HTR1F: variants seen among roughly 807,000 people sequenced by gnomAD.
The protein encoded by HTR1F is 5-hydroxytryptamine receptor 1F.
HTR1F carries 17 observed loss-of-function variants against 24.0 expected under a neutral mutation model. The ratio of observed to expected loss-of-function variants is 0.71; its 90% CI spans 0.48 to 1.06. HTR1F has a LOEUF of 1.06. HTR1F is among the 50% of genes least tolerant of loss of function. The probability of loss-of-function intolerance (pLI) is 0.00; values close to 1 mark genes in which losing one functional copy is unlikely to be tolerated. For missense variants in HTR1F, 391 were observed against 427.8 expected (o/e 0.91, Z 0.76); for synonymous variants, 186 against 156.8 (o/e 1.19, Z -1.39).
chr3:87,971,851 A>G (rs1705292458), intron 2 of HTR1F, among the ~76,000 whole-genome samples: 1 of 152,180 alleles, frequency 6.6e-6, no homozygotes, highest in South Asian at 2.1e-4. Flanking sequence ...TGCTTTGTTC[A>G]TTTTATGTAT....
At chr3:87,872,547 CTAAG>C (rs1323058908) in intron 2 of HTR1F, among the ~76,000 whole-genome samples, 1 of 151,504 alleles carries the variant, frequency 6.6e-6, no homozygotes, top group Non-Finnish European at 1.5e-5. Flanking sequence ...CTAAAAGAGA[CTAAG>C]TAACAAAAAC....
At chr3:87,963,177 A>G (rs952560244) in intron 2 of HTR1F, among the ~76,000 whole-genome samples, 2 of 152,068 alleles carry the variant, frequency 1.3e-5, no homozygotes, top group Non-Finnish European at 1.5e-5. Context: ...CAGTTATTGG[A>G]CTTCTTCTTT....
At chr3:87,973,621 A>C (rs1705333489) in intron 2 of HTR1F, among the ~76,000 whole-genome samples, 1 of 152,152 alleles carries the variant, frequency 6.6e-6, no homozygotes. Context: ...ATGTGGATGG[A>C]AGGGATTTCA....
intron 2 of HTR1F, among the ~76,000 whole-genome samples, chr3:87,955,133 T>A (rs1370991276): frequency 1.3e-5 from 2 of 151,450 alleles, no homozygotes; most frequent in East Asian, 3.9e-4. Flanking sequence ...GTTGTGTATA[T>A]CCTGAAGCCA....
intron 2 of HTR1F, among the ~76,000 whole-genome samples, chr3:87,928,513 C>T (rs1237282468): frequency 1.3e-5 from 2 of 151,426 alleles, no homozygotes; most frequent in Non-Finnish European, 2.9e-5. Flanking sequence ...TTTCTGTGTC[C>T]CTAAAAATGA....
Position 87,944,772 on chromosome 3 carries a change from T to C in HTR1F, c.-42-45936T>C, listed in dbSNP as rs560969534. Among the ~76,000 whole-genome samples the C allele has an allele frequency of 2.6e-5, 4 of 152,340 alleles. No individual in the cohort carries two copies. The East Asian group carries it at 7.7e-4, about 29-fold the overall frequency. On this transcript the variant is annotated intron_variant, in intron 2 of 2. Transcript: ENST00000319595. ...TTCCTCTAAAAGTTACTTCTCTACTTTCTTCTGTTAGCAAAGCAGTTGCCA... is the reference window on the plus strand; with the variant it reads ...TTCCTCTAAAAGTTACTTCTCTACTCTCTTCTGTTAGCAAAGCAGTTGCCA...
intron 2 of HTR1F, among the ~76,000 whole-genome samples, chr3:87,909,213 A>T (rs1360935159): frequency 1.3e-5 from 2 of 152,016 alleles, no homozygotes; most frequent in Non-Finnish European, 2.9e-5. Flanking sequence ...GAGTGGCTAT[A>T]TGGAAAAGAA....
chr3:87,893,596 G>A (rs760590534), intron 2 of HTR1F, among the ~76,000 whole-genome samples: 4 of 152,166 alleles, frequency 2.6e-5, no homozygotes, highest in African/African-American at 7.2e-5. Flanking sequence ...GCCTGACCAC[G>A]AAGAAGAAGT....
intron 2 of HTR1F, among the ~76,000 whole-genome samples, chr3:87,979,489 G>T (rs1246601351): frequency 6.6e-6 from 1 of 152,096 alleles, no homozygotes; most frequent in East Asian, 1.9e-4. Flanking sequence ...GGAGTTTAGG[G>T]ACTCTGAAAA....
chr3:87,824,312 G>T (rs1704419111), intron 2 of HTR1F, among the ~76,000 whole-genome samples: 1 of 152,082 alleles, frequency 6.6e-6, no homozygotes, highest in African/African-American at 2.4e-5. Flanking sequence ...CAACCCATCA[G>T]CAAGTCCTAT....
At chr3:87,904,250 G>A (rs1703605964) in intron 2 of HTR1F, among the ~76,000 whole-genome samples, 5 of 152,060 alleles carry the variant, frequency 3.3e-5, no homozygotes, top group Admixed American at 1.3e-4. Context: ...ACAAGGAAGT[G>A]GAAATCTTAC....
At chr3:87,847,061 G>A (rs1433377778) in intron 2 of HTR1F, among the ~76,000 whole-genome samples, 1 of 151,156 alleles carries the variant, frequency 6.6e-6, no homozygotes, top group East Asian at 1.9e-4. Flanking sequence ...ATACAAAATG[G>A]GGAAAATAAA....
chr3:87,865,968 G>A (rs1035124120), intron 2 of HTR1F, among the ~76,000 whole-genome samples: 56 of 152,056 alleles, frequency 3.7e-4, no homozygotes, highest in African/African-American at 1.3e-3. Context: ...CAATGAATGA[G>A]GGTTTCATTT....
intron 2 of HTR1F, among the ~76,000 whole-genome samples, chr3:87,916,778 A>T (rs1703905217): frequency 6.6e-6 from 1 of 151,960 alleles, no homozygotes; most frequent in African/African-American, 2.4e-5. Context: ...ATACTTCAAT[A>T]CTCCACTGAC....
intron 1 of HTR1F, among the ~76,000 whole-genome samples, chr3:87,802,070 C>G (rs1316338475): frequency 1.3e-5 from 1 of 74,548 alleles, no homozygotes; most frequent in Non-Finnish European, 2.3e-5. Context: ...TTCTTTCTTT[C>G]CCTCCCTCCT....
intron 1 of HTR1F, chr3:87,793,249 G>C (rs1480901549): frequency 1.3e-5 from 2 of 152,082 alleles, no homozygotes; most frequent in African/African-American, 4.8e-5. Flanking sequence ...GACGGGGCAC[G>C]GGCCAGAATC....
intron 2 of HTR1F, among the ~76,000 whole-genome samples, chr3:87,833,774 G>A (rs923023684): frequency 6.6e-6 from 1 of 152,082 alleles, no homozygotes; most frequent in African/African-American, 2.4e-5. Context: ...CAAACTGCTG[G>A]GTTTACAGGC....
intron 1 of HTR1F, among the ~76,000 whole-genome samples, chr3:87,815,786 A>G (rs1704239636): frequency 6.6e-6 from 1 of 152,130 alleles, no homozygotes; most frequent in Admixed American, 6.5e-5. Flanking sequence ...TATTCTTCAT[A>G]TAGCATATGG....
chr3:87,930,659 T>C (rs920344110), intron 2 of HTR1F, among the ~76,000 whole-genome samples: 2 of 152,188 alleles, frequency 1.3e-5, no homozygotes, highest in African/African-American at 2.4e-5. Flanking sequence ...GTGAATAAAC[T>C]TTTTTATGTG....
Sources: allele counts gnomAD v4.1 joint callset (sites outside exome capture counted in the v4.1 genomes callset), GRCh38; gene constraint gnomAD v4.1.1; transcripts MANE v1.5; gene names NCBI Gene and HGNC (gene_info 2026-07-23, HGNC 2026-07-21).